PRMT3: variants seen among roughly 807,000 people sequenced by gnomAD.
PRMT3 encodes the protein protein arginine N-methyltransferase 3.
PRMT3 carries 62 observed loss-of-function variants against 71.9 expected under a neutral mutation model. The ratio of observed to expected loss-of-function variants is 0.86; its 90% confidence interval spans 0.70 to 1.07. The LOEUF (loss-of-function observed/expected upper bound fraction) is 1.07, where lower values mean the gene tolerates loss of function less well. PRMT3 is among the 50% of genes least tolerant of loss of function. The pLI is 0.00. For synonymous variants in PRMT3, 213 were observed against 220.4 expected (o/e 0.97, Z 0.30); for missense variants, 663 against 643.0 (o/e 1.03, Z -0.34).
At chr11:20,416,467 A>G (rs1040389175) in intron 9 of PRMT3, among the ~76,000 whole-genome samples, 3 of 152,200 alleles carry the variant, frequency 2.0e-5, no homozygotes, top group Non-Finnish European at 2.9e-5. Context: ...TCATTCTTTA[A>G]TGTGTCCCAA....
At chr11:20,460,370 T>C (rs142852708) in intron 11 of PRMT3, among the ~76,000 whole-genome samples, 150 of 152,304 alleles carry the variant, frequency 9.8e-4, no homozygotes, top group South Asian at 3.7e-3. Flanking sequence ...ATATTTGAGA[T>C]ATTGGAAAGA....
chr11:20,498,637 C>G (rs1049425839), intron 15 of PRMT3, among the ~76,000 whole-genome samples: 162 of 152,058 alleles, frequency 1.1e-3, no homozygotes, highest in Non-Finnish European at 2.6e-4. Flanking sequence ...GGCCGAGGCA[C>G]AAGAATTGTT....
chr11:20,462,583 C>A (rs1850410535), intron 12 of PRMT3, among the ~76,000 whole-genome samples: 1 of 152,150 alleles, frequency 6.6e-6, no homozygotes, highest in African/African-American at 2.4e-5. Flanking sequence ...CAGATTTCTT[C>A]CAGCGTTTTC....
intron 2 of PRMT3, among the ~76,000 whole-genome samples, chr11:20,388,439 G>A (rs1243386073): frequency 6.6e-6 from 1 of 152,208 alleles, no homozygotes; most frequent in African/African-American, 2.4e-5. Context: ...AAATGATACT[G>A]AACTCTGCAC....
intron 10 of PRMT3, among the ~76,000 whole-genome samples, chr11:20,438,299 G>C (rs1463077281): frequency 6.6e-6 from 1 of 151,360 alleles, no homozygotes; most frequent in African/African-American, 2.4e-5. Flanking sequence ...ACACTGTACA[G>C]TAGTGACTTT....
In PRMT3 at chr11:20,388,058, A is replaced by C; in HGVS notation, c.68A>C (p.Glu23Ala). ...GTGGAGAATGAGGAGGACCTGCCAG[A>C]ACTGTCGGACAGCGGGGACGAGGCC... is the stretch of plus-strand genomic sequence containing the variant. ...GAVENEEDLP[E>A]LSDSGDEAAW... Residue 23 changes from glutamate to alanine, a missense_variant, in exon 2 of 16, where the codon GAA becomes GCA. Physicochemically the swap from Glu to Ala is moderately radical, Grantham distance 107. Transcript: ENST00000331079. 2 of 1,614,028 alleles carry C rather than the reference A, an allele frequency of 1.2e-6. No homozygotes were observed. The highest frequency in any genetic ancestry group is 1.7e-6 in the Non-Finnish European group (2 of 1,179,994).
intron 15 of PRMT3, among the ~76,000 whole-genome samples, chr11:20,506,308 T>A (rs1017745358): frequency 1.3e-5 from 2 of 152,208 alleles, no homozygotes; most frequent in South Asian, 4.1e-4. Context: ...ACATGTCATA[T>A]GAGATAGTTT....
intron 2 of PRMT3, among the ~76,000 whole-genome samples, chr11:20,388,616 A>G (rs1253908593): frequency 6.6e-6 from 1 of 152,216 alleles, no homozygotes; most frequent in Non-Finnish European, 1.5e-5. Context: ...TTACCATGCT[A>G]ATTCTTTGAC....
intron 10 of PRMT3, among the ~76,000 whole-genome samples, chr11:20,429,345 T>G (rs543501029): frequency 6.6e-6 from 1 of 152,308 alleles, no homozygotes; most frequent in Non-Finnish European, 1.5e-5. Flanking sequence ...GAGGCGGAGC[T>G]CAGGTGGTAA....
At chr11:20,493,333 A>C (rs537372058) in intron 13 of PRMT3, among the ~76,000 whole-genome samples, 1 of 152,376 alleles carries the variant, frequency 6.6e-6, no homozygotes, top group African/African-American at 2.4e-5. Context: ...CTGGACTAGA[A>C]GAAATTAAAT....
At chr11:20,476,611 A>C (rs1188171214) in intron 13 of PRMT3, among the ~76,000 whole-genome samples, 3 of 152,224 alleles carry the variant, frequency 2.0e-5, no homozygotes, top group Non-Finnish European at 4.4e-5. Context: ...TAGTCACTTC[A>C]TAAGTTCCTT....
intron 13 of PRMT3, among the ~76,000 whole-genome samples, chr11:20,491,799 G>A (rs547165357): frequency 5.9e-5 from 9 of 152,232 alleles, no homozygotes; most frequent in Non-Finnish European, 8.8e-5. Flanking sequence ...CTGAAAATGC[G>A]TAATTTGGGG....
intron 8 of PRMT3, among the ~76,000 whole-genome samples, chr11:20,403,501 A>C (rs539840147): frequency 4.6e-4 from 70 of 152,216 alleles, no homozygotes; most frequent in South Asian, 8.3e-4. Flanking sequence ...TAATTTTAAT[A>C]TTGGCTCAAG....
intron 13 of PRMT3, among the ~76,000 whole-genome samples, chr11:20,470,124 C>T (rs2133414385): frequency 6.6e-6 from 1 of 152,262 alleles, no homozygotes; most frequent in East Asian, 1.9e-4. Flanking sequence ...CCTGTTGCTC[C>T]TAGGTTACAA....
intron 5 of PRMT3, 128 bp from the exon 6 acceptor site, chr11:20,395,675 A>C: frequency 1.1e-6 from 1 of 890,844 alleles, no homozygotes; most frequent in Non-Finnish European, 1.7e-6. Context: ...ATTCAATTAA[A>C]AGTACTTTCA....
intron 15 of PRMT3, among the ~76,000 whole-genome samples, chr11:20,502,058 G>T (rs1006557071): frequency 2.6e-5 from 4 of 152,096 alleles, no homozygotes; most frequent in African/African-American, 4.8e-5. Flanking sequence ...AAAATACACT[G>T]TAACAATTAA....
chr11:20,398,553 C>T (rs778020822), intron 7 of PRMT3, among the ~76,000 whole-genome samples: 5 of 152,262 alleles, frequency 3.3e-5, no homozygotes, highest in Non-Finnish European at 5.9e-5. Flanking sequence ...CTCAGGTTCA[C>T]GCCATTCTCT....
intron 10 of PRMT3, among the ~76,000 whole-genome samples, chr11:20,441,788 G>GTTTTTT (rs61553968): frequency 1.7e-5 from 2 of 118,496 alleles, no homozygotes; most frequent in Admixed American, 9.1e-5. Context: ...ATAGTTTCAG[G>GTTTTTT]TTTTTTTTTT....
chr11:20,416,908 A>G (rs1849317576), intron 9 of PRMT3, among the ~76,000 whole-genome samples: 1 of 152,154 alleles, frequency 6.6e-6, no homozygotes, highest in Admixed American at 6.6e-5. Flanking sequence ...TTATGAATGA[A>G]GGACTGGATA....
Sources: allele counts gnomAD v4.1 joint callset (sites outside exome capture counted in the v4.1 genomes callset), GRCh38; gene constraint gnomAD v4.1.1; transcripts MANE v1.5; gene names NCBI Gene and HGNC (gene_info 2026-07-23, HGNC 2026-07-21).